The following MAF variants were observed in gnomAD, a reference collection of about 807,000 sequenced individuals.
MAF encodes MAF bZIP transcription factor, also known as transcription factor Maf.
Under a neutral mutation model 22.0 loss-of-function variants are expected in MAF, and 10 were observed. The observed-to-expected ratio is 0.45, with a 90% CI of 0.28 to 0.77. The LOEUF is 0.77. Among genes scored for constraint, MAF ranks in the 30% least tolerant of loss-of-function variants. The pLI, the probability that MAF is intolerant of heterozygous loss-of-function variation, is 0.12. For synonymous variants in MAF, 337 were observed against 255.8 expected, an observed-to-expected ratio of 1.32 and a Z score of -3.03; for missense variants, 544 against 548.4, an observed-to-expected ratio of 0.99 and a Z score of 0.08.
At chr16:79,403,801 C>A in the MAF span, among the ~76,000 whole-genome samples, 1 of 152,160 alleles carries the variant, frequency 6.6e-6, no homozygotes, top group Non-Finnish European at 1.5e-5. Context: ...GGCTCAACAA[C>A]CAAAGGTCAC....
the MAF span, among the ~76,000 whole-genome samples, chr16:79,517,412 C>T: frequency 1.3e-5 from 2 of 152,154 alleles, no homozygotes; most frequent in African/African-American, 4.8e-5. Context: ...TTAACTTGGG[C>T]TGCTTACCCA....
At chr16:79,238,088 T>A in the MAF span, among the ~76,000 whole-genome samples, 1 of 152,118 alleles carries the variant, frequency 6.6e-6, no homozygotes, top group Admixed American at 6.6e-5. Context: ...TTTGTCAGGC[T>A]TTGACCTGCA....
chr16:79,591,074 T>C (rs908274939), downstream of MAF, among the ~76,000 whole-genome samples: 4 of 152,138 alleles, frequency 2.6e-5, no homozygotes, highest in African/African-American at 9.7e-5. Flanking sequence ...AGGAGAGTGA[T>C]TTTCTCTCCT....
the MAF span, among the ~76,000 whole-genome samples, chr16:79,207,388 T>C: frequency 6.6e-6 from 1 of 152,246 alleles, no homozygotes; most frequent in African/African-American, 2.4e-5. Flanking sequence ...CCTGGGACGT[T>C]AGTCATGGGA....
the MAF span, among the ~76,000 whole-genome samples, chr16:79,391,222 C>G: frequency 6.6e-6 from 1 of 152,142 alleles, no homozygotes; most frequent in African/African-American, 2.4e-5. Flanking sequence ...CCCTGGTTCC[C>G]TCATCTATAC....
the MAF span, among the ~76,000 whole-genome samples, chr16:79,320,807 A>G: frequency 6.9e-6 from 1 of 145,588 alleles, no homozygotes; most frequent in Non-Finnish European, 1.6e-5. Flanking sequence ...AGTATTTGCT[A>G]TAGCCCTGTG....
At chr16:79,297,065 T>C in the MAF span, among the ~76,000 whole-genome samples, 1 of 152,232 alleles carries the variant, frequency 6.6e-6, no homozygotes, top group Non-Finnish European at 1.5e-5. Flanking sequence ...CCTGCTTTAA[T>C]ACAGTCGCTT....
the MAF span, among the ~76,000 whole-genome samples, chr16:79,333,601 GTTACATT>G: frequency 3.9e-5 from 6 of 152,330 alleles, no homozygotes; most frequent in South Asian, 6.2e-4. Context: ...TTGATACTGA[GTTACATT>G]TTTTAAGACA....
the MAF span, among the ~76,000 whole-genome samples, chr16:79,505,228 C>T: frequency 6.6e-6 from 1 of 152,120 alleles, no homozygotes; most frequent in Non-Finnish European, 1.5e-5. Context: ...TTCTGAAAAA[C>T]AGCCAAAAAA....
At chr16:79,474,917 C>T in the MAF span, among the ~76,000 whole-genome samples, 1 of 152,232 alleles carries the variant, frequency 6.6e-6, no homozygotes, top group Non-Finnish European at 1.5e-5. Context: ...TTCAAATACA[C>T]ATCCTAGCAA....
At chr16:79,382,177 G>A in the MAF span, among the ~76,000 whole-genome samples, 1 of 152,144 alleles carries the variant, frequency 6.6e-6, no homozygotes, top group Non-Finnish European at 1.5e-5. Flanking sequence ...ATGTCAGAGG[G>A]TTTTCATTTT....
the MAF span, among the ~76,000 whole-genome samples, chr16:79,359,782 T>TA: frequency 6.6e-6 from 1 of 152,070 alleles, no homozygotes; most frequent in Non-Finnish European, 1.5e-5. Context: ...TCTTTCATCT[T>TA]AAAAGAGACA....
the MAF span, among the ~76,000 whole-genome samples, chr16:79,420,835 G>C: frequency 5.6e-4 from 86 of 152,288 alleles, 2 homozygotes; most frequent in African/African-American, 2.0e-3. Flanking sequence ...TTCAAGACCA[G>C]CCTGTCCAAC....
chr16:79,397,275 G>GA, the MAF span, among the ~76,000 whole-genome samples: 5 of 151,756 alleles, frequency 3.3e-5, no homozygotes, highest in Non-Finnish European at 7.4e-5. Context: ...CCAAGAGGGG[G>GA]AAAAAAAAGC....
the MAF span, among the ~76,000 whole-genome samples, chr16:79,550,176 C>A: frequency 2.3e-4 from 35 of 152,192 alleles, no homozygotes; most frequent in African/African-American, 7.7e-4. Flanking sequence ...TTAATAACCC[C>A]CCTGGCTTGA....
the MAF span, among the ~76,000 whole-genome samples, chr16:79,280,464 C>T: frequency 1.1e-4 from 16 of 152,324 alleles, no homozygotes; most frequent in Non-Finnish European, 1.9e-4. Context: ...AGTTTTAGAA[C>T]CCCTGGGATT....
chr16:79,448,166 A>G, the MAF span, among the ~76,000 whole-genome samples: 2 of 152,192 alleles, frequency 1.3e-5, no homozygotes, highest in Non-Finnish European at 2.9e-5. Flanking sequence ...AATGCTATCA[A>G]ATAGTGCCAC....
the MAF span, among the ~76,000 whole-genome samples, chr16:79,446,049 GAAAAGAGAGACAGAGACAGAGAGAAAA>G: frequency 6.6e-6 from 1 of 151,812 alleles, no homozygotes; most frequent in African/African-American, 2.4e-5. Flanking sequence ...TTGAAAGAAA[GAAAAGAGAGACAGAGACAGAGAGAAAA>G]AAAAGAGAGA....
the MAF span, among the ~76,000 whole-genome samples, chr16:79,477,238 G>C: frequency 3.3e-5 from 5 of 152,190 alleles, no homozygotes; most frequent in Non-Finnish European, 7.3e-5. Context: ...ATGACCACCA[G>C]AGCCTCTGTC....
Sources: allele counts gnomAD v4.1 joint callset (sites outside exome capture counted in the v4.1 genomes callset), GRCh38; gene constraint gnomAD v4.1.1; transcripts MANE v1.5; gene names NCBI Gene and HGNC (gene_info 2026-07-23, HGNC 2026-07-21).